DLC1: variants seen among roughly 807,000 people sequenced by gnomAD.
DLC1 encodes the protein DLC1 Rho GTPase activating protein, also known as rho GTPase-activating protein 7.
Under a neutral mutation model 140.3 loss-of-function variants are expected in DLC1, and 54 were observed. The observed-to-expected ratio is 0.38, with a 90% CI of 0.31 to 0.48. DLC1 has a LOEUF of 0.48. Among genes scored for constraint, DLC1 ranks in the 20% least tolerant of loss-of-function variants. DLC1 has a pLI of 0.96. For missense variants in DLC1, 2,536 were observed against 1,907.0 expected (o/e 1.33, Z -6.14); for synonymous variants, 986 against 728.1 (o/e 1.35, Z -5.70).
At chr8:13,160,871 GTC>G (rs1403569946) in intron 5 of DLC1, among the ~76,000 whole-genome samples, 1 of 152,158 alleles carries the variant, frequency 6.6e-6, no homozygotes, top group African/African-American at 2.4e-5. Flanking sequence ...GGATCACGAG[GTC>G]TCAGGAGATT....
chr8:13,572,208 G>A (rs946807785), intron 1 of DLC1, among the ~76,000 whole-genome samples: 2 of 151,398 alleles, frequency 1.3e-5, no homozygotes, highest in African/African-American at 2.4e-5. Context: ...TCCTGCCTCA[G>A]CCTCCCAAGC....
intron 5 of DLC1, among the ~76,000 whole-genome samples, chr8:13,182,571 A>G (rs1237802332): frequency 6.6e-6 from 1 of 152,188 alleles, no homozygotes; most frequent in Non-Finnish European, 1.5e-5. Flanking sequence ...CATTTATTAA[A>G]TAGGGAATCT....
chr8:13,568,217 A>G lies in DLC1; in HGVS notation c.-126+36320T>C, dbSNP rs1463358945. 1.2e-5 allele frequency: 4 copies of G among 329,612 alleles called. No homozygotes were observed. The East Asian group carries it at 1.8e-4, about 14-fold the overall frequency. 20.4% of individuals were successfully genotyped at this position (329,612 alleles called of 1,614,324 possible). The stretch of plus-strand genomic sequence containing the variant: ...TAGTATGGGGATGTAAGAGAAACTT[A>G]AAAAGTAATAACTGTCTTTGGCGAT... On this transcript the variant is annotated intron_variant, in intron 1 of 1. Coordinates refer to the DLC1 transcript ENST00000631382.
At chr8:13,259,146 A>G (rs1291299687) in intron 5 of DLC1, among the ~76,000 whole-genome samples, 3 of 151,126 alleles carry the variant, frequency 2.0e-5, no homozygotes, top group Non-Finnish European at 4.4e-5. Context: ...CAAGAAAAAA[A>G]AAAAAAAAAA....
chr8:13,289,108 G>A (rs1831654896), intron 5 of DLC1, among the ~76,000 whole-genome samples: 1 of 152,124 alleles, frequency 6.6e-6, no homozygotes, highest in Non-Finnish European at 1.5e-5. Context: ...CGGTGCTCAT[G>A]CCATCTGGCT....
intron 5 of DLC1, among the ~76,000 whole-genome samples, chr8:13,297,573 T>C (rs1832014329): frequency 6.6e-6 from 1 of 152,186 alleles, no homozygotes; most frequent in South Asian, 2.1e-4. Flanking sequence ...TACCAGGCAT[T>C]GGGAGTACTG....
At chr8:13,115,971 G>A (rs531517699) in intron 5 of DLC1, among the ~76,000 whole-genome samples, 16 of 152,322 alleles carry the variant, frequency 1.1e-4, no homozygotes, top group African/African-American at 3.4e-4. Flanking sequence ...GGCATCATGA[G>A]AAAGTTGAAG....
intron 5 of DLC1, among the ~76,000 whole-genome samples, chr8:13,279,540 C>T (rs909121608): frequency 6.6e-6 from 1 of 152,174 alleles, no homozygotes; most frequent in African/African-American, 2.4e-5. Context: ...TGCAGCTAAG[C>T]ATTTTTGAGC....
chr8:13,096,293 G>A lies in DLC1; in HGVS notation c.3168-1048C>T, dbSNP rs560738886. Among the ~76,000 whole-genome samples, 30 of 152,204 alleles carry A rather than the reference G, an allele frequency of 2.0e-4. 1 individual carries two copies. In the South Asian group the frequency reaches 6.0e-3, roughly 31 times the overall value. On this transcript the variant is annotated intron_variant, in intron 10 of 17. Coordinates refer to ENST00000276297, the MANE Select transcript of DLC1 (RefSeq NM_182643.3). ...TGGTGGGATGGGGGTGGGCCACTCC[G>A]AAATGAGAATCTAAAATATGCAGTT... is the stretch of plus-strand genomic sequence containing the variant.
Position 13,297,282 on chromosome 8 carries a change from T to TAAAAAAA in DLC1, c.1348+7980_1348+7986dup, listed in dbSNP as rs60048506. ...CAGGCAAGCAGAGGCCTTCATACATTAAAAAAAAAAAAAACTGAAGCAAGT... is the reference window on the plus strand; with the variant it reads ...CAGGCAAGCAGAGGCCTTCATACATTAAAAAAAAAAAAAAAAAAAAACTGAAGCAAGT... On this transcript the variant is annotated intron_variant, in intron 5 of 17. Transcript: ENST00000276297. Among the ~76,000 whole-genome samples, 102 of 9,636 alleles carry TAAAAAAA rather than the reference T, an allele frequency of 0.011. 37 individuals are homozygous for TAAAAAAA. In the East Asian group the frequency reaches 0.22, roughly 21 times the overall value. 6.3% of individuals were successfully genotyped at this position (9,636 alleles called of 152,430 possible). A position where few individuals can be genotyped will look rare whatever the true frequency, so the allele number is the denominator to read the frequency against.
intron 5 of DLC1, among the ~76,000 whole-genome samples, chr8:13,145,478 A>G (rs893877762): frequency 2.6e-5 from 4 of 152,232 alleles, no homozygotes; most frequent in Admixed American, 1.3e-4. Context: ...TTACATTCAC[A>G]TTAAAGCTAA....
chr8:13,228,481 A>G (rs1317065080), intron 5 of DLC1, among the ~76,000 whole-genome samples: 3 of 152,170 alleles, frequency 2.0e-5, no homozygotes, highest in African/African-American at 7.2e-5. Flanking sequence ...GATGGCTCAC[A>G]TTTGTAACCC....
intron 5 of DLC1, among the ~76,000 whole-genome samples, chr8:13,170,900 A>C: frequency 6.6e-6 from 1 of 152,174 alleles, no homozygotes; most frequent in Non-Finnish European, 1.5e-5. Context: ...TAGTTAGCCT[A>C]AAGGTCTAAC....
intron 5 of DLC1, among the ~76,000 whole-genome samples, chr8:13,247,757 T>G (rs1215492415): frequency 6.6e-6 from 1 of 152,238 alleles, no homozygotes; most frequent in African/African-American, 2.4e-5. Flanking sequence ...AAAATAGAAC[T>G]GCTTTATCTT....
chr8:13,497,063 G>A (rs1354706259), intron 2 of DLC1, among the ~76,000 whole-genome samples: 1 of 152,002 alleles, frequency 6.6e-6, no homozygotes, highest in East Asian at 1.9e-4. Flanking sequence ...GCCTCCCAAA[G>A]TGCTGGGATT....
intron 1 of DLC1, among the ~76,000 whole-genome samples, chr8:13,543,000 A>T (rs896023608): frequency 3.3e-5 from 5 of 152,078 alleles, no homozygotes; most frequent in Non-Finnish European, 5.9e-5. Context: ...TATCACTATT[A>T]TAAATCACAT....
chr8:13,524,108 T>TTTA (rs77161996), intron 1 of DLC1, among the ~76,000 whole-genome samples: 4,026 of 138,644 alleles, frequency 0.029, 72 homozygotes, highest in Middle Eastern at 0.045. Flanking sequence ...ATCTATTCTA[T>TTTA]TTATTATTAT....
At chr8:13,214,625 C>T (rs1317296243) in intron 5 of DLC1, 2 of 777,656 alleles carry the variant, frequency 2.6e-6, no homozygotes, top group East Asian at 4.9e-5. Context: ...CACACACCGG[C>T]CTAGGTGATG....
chr8:13,268,166 C>T (rs1341003910), intron 5 of DLC1, among the ~76,000 whole-genome samples: 1 of 152,042 alleles, frequency 6.6e-6, no homozygotes. Flanking sequence ...ATATTTTAGG[C>T]TTTAGTACTT....
Sources: gnomAD v4.1 joint callset for allele counts (sites outside exome capture counted in the v4.1 genomes callset) on GRCh38, gnomAD v4.1.1 for gene constraint, MANE v1.5 for transcripts, NCBI Gene and HGNC (gene_info 2026-07-23, HGNC 2026-07-21) for gene names.